VPS13B: variants seen among roughly 807,000 people sequenced by gnomAD.
VPS13B encodes vacuolar protein sorting 13 homolog B.
VPS13B carries 285 observed loss-of-function variants against 426.4 expected under a neutral mutation model. That is an observed-to-expected ratio of 0.67 (90% CI 0.61 to 0.74). The LOEUF (loss-of-function observed/expected upper bound fraction) is 0.74, where lower values mean the gene tolerates loss of function less well. VPS13B is among the 30% of genes least tolerant of loss of function. The pLI is 0.00. For synonymous variants in VPS13B, 1,676 were observed against 1,676.4 expected (o/e 1.00, Z 0.01); for missense variants, 4,537 against 4,782.6 (o/e 0.95, Z 1.51).
intron 19 of VPS13B, among the ~76,000 whole-genome samples, chr8:99,295,437 G>A (rs1819980352): frequency 1.3e-5 from 2 of 152,186 alleles, no homozygotes; most frequent in African/African-American, 4.8e-5. Context: ...ATATATGTAT[G>A]TATGAAAACT....
chr8:99,075,852 A>C (rs1417014644), intron 3 of VPS13B, among the ~76,000 whole-genome samples: 1 of 152,020 alleles, frequency 6.6e-6, no homozygotes, highest in East Asian at 1.9e-4. Flanking sequence ...GATCATGTAT[A>C]TTGTTTAGTC....
chr8:99,458,822 C>T (rs1818670346), intron 23 of VPS13B, among the ~76,000 whole-genome samples: 1 of 152,044 alleles, frequency 6.6e-6, no homozygotes, highest in Non-Finnish European at 1.5e-5. Flanking sequence ...GATATTAGCC[C>T]TTTGTCAGAT....
intron 52 of VPS13B, among the ~76,000 whole-genome samples, chr8:99,833,281 A>G (rs1434151680): frequency 6.6e-6 from 1 of 152,198 alleles, no homozygotes; most frequent in Non-Finnish European, 1.5e-5. Context: ...GACTTCTATT[A>G]TGTGGTTGTC....
intron 21 of VPS13B, among the ~76,000 whole-genome samples, chr8:99,417,142 G>C (rs1188863503): frequency 1.3e-5 from 2 of 151,952 alleles, no homozygotes; most frequent in Admixed American, 1.3e-4. Context: ...AAAAAGCGTA[G>C]ATGTGAACAT....
At chr8:99,751,448 C>T (rs1278909368) in intron 39 of VPS13B, among the ~76,000 whole-genome samples, 2 of 152,026 alleles carry the variant, frequency 1.3e-5, no homozygotes, top group Admixed American at 6.6e-5. Context: ...AAAGAAAATG[C>T]TTATATTTTT....
intron 31 of VPS13B, among the ~76,000 whole-genome samples, chr8:99,573,065 A>AT (rs1218698435): frequency 2.0e-5 from 3 of 152,044 alleles, no homozygotes; most frequent in Non-Finnish European, 2.9e-5. Context: ...GATGATGAGC[A>AT]TTTTTTCACA....
At chr8:99,192,514 A>G (rs1219750144) in intron 16 of VPS13B, among the ~76,000 whole-genome samples, 1 of 152,214 alleles carries the variant, frequency 6.6e-6, no homozygotes, top group African/African-American at 2.4e-5. Flanking sequence ...GTGTTAACAG[A>G]TAAAAGAAAT....
At chr8:99,546,166 C>T (rs1395352695) in intron 30 of VPS13B, among the ~76,000 whole-genome samples, 2 of 151,728 alleles carry the variant, frequency 1.3e-5, no homozygotes, top group Non-Finnish European at 2.9e-5. Flanking sequence ...ATTTGTGAGT[C>T]GGAAGTAACT....
At chr8:99,214,584 G>C (rs1012278739) in intron 17 of VPS13B, among the ~76,000 whole-genome samples, 1 of 151,988 alleles carries the variant, frequency 6.6e-6, no homozygotes, top group Non-Finnish European at 1.5e-5. Flanking sequence ...AATGTGTATA[G>C]GTTTAACTGA....
rs1459474659 is a variant in VPS13B at position 99,779,012 on chromosome 8, C to T, written c.7760C>T (p.Ala2587Val). ...GQHVVHSLNT[A>V]IQAWQQNKCP... Reference sequence around the variant, plus strand: ...CATGTAGTCCATTCACTAAACACTGCAATACAAGCTTGGCAACAGGTATGC... The same window carrying T: ...CATGTAGTCCATTCACTAAACACTGTAATACAAGCTTGGCAACAGGTATGC... The change falls in exon 42 of 62, where the codon GCA (alanine) becomes GTA (valine). Residue 2587 changes from alanine (A) to valine (V), a missense_variant. Physicochemically the swap from Ala to Val is moderately conservative, Grantham distance 64 (BLOSUM62 0). This residue lies in a region of VPS13B where 4,311 missense variants were observed against 4,474.3 expected (regional missense o/e 0.96). Coordinates refer to ENST00000357162, the MANE Select transcript of VPS13B (RefSeq NM_152564.5). The T allele has an allele frequency of 1.2e-6, 2 of 1,613,396 alleles. No homozygotes were observed. Among genetic ancestry groups the T allele is most frequent in the Non-Finnish European group, 1.7e-6 (2 of 1,179,776 alleles).
intron 43 of VPS13B, among the ~76,000 whole-genome samples, chr8:99,803,575 T>C (rs1253283201): frequency 2.6e-5 from 4 of 152,200 alleles, no homozygotes; most frequent in African/African-American, 7.2e-5. Context: ...TGAAAGGATA[T>C]GCAGGGCCCT....
chr8:99,124,712 C>T (rs1031583574), intron 8 of VPS13B, among the ~76,000 whole-genome samples: 3 of 151,816 alleles, frequency 2.0e-5, no homozygotes, highest in Non-Finnish European at 4.4e-5. Flanking sequence ...TGTTGAAACC[C>T]TGTCTCTACT....
At chr8:99,553,113 A>G (rs1824371649) in intron 30 of VPS13B, among the ~76,000 whole-genome samples, 3 of 152,144 alleles carry the variant, frequency 2.0e-5, no homozygotes, top group African/African-American at 7.2e-5. Context: ...TGCAGTTAAC[A>G]GAGCAGAAAA....
At chr8:99,239,389 A>G (rs1435580704) in intron 17 of VPS13B, among the ~76,000 whole-genome samples, 2 of 152,064 alleles carry the variant, frequency 1.3e-5, no homozygotes, top group Non-Finnish European at 2.9e-5. Flanking sequence ...TGGATACCCT[A>G]TTTTGCCGAG....
At chr8:99,609,602 C>T (rs1827755698) in intron 33 of VPS13B, among the ~76,000 whole-genome samples, 1 of 152,128 alleles carries the variant, frequency 6.6e-6, no homozygotes, top group Non-Finnish European at 1.5e-5. Flanking sequence ...AGTTTAGTTG[C>T]ACATCTGCTT....
chr8:99,647,010 C>G (rs553599765), intron 34 of VPS13B, among the ~76,000 whole-genome samples: 29 of 152,154 alleles, frequency 1.9e-4, no homozygotes, highest in African/African-American at 5.8e-4. Flanking sequence ...GCAAAAATAG[C>G]CTAACATAAC....
chr8:99,478,386 A>G (rs1465983395), intron 24 of VPS13B, among the ~76,000 whole-genome samples: 2 of 120,466 alleles, frequency 1.7e-5, no homozygotes, highest in African/African-American at 3.2e-5. Context: ...CCACTCACCC[A>G]TTTTTTATTT....
intron 25 of VPS13B, among the ~76,000 whole-genome samples, chr8:99,489,206 T>G (rs1400174507): frequency 1.3e-5 from 2 of 152,174 alleles, no homozygotes; most frequent in African/African-American, 4.8e-5. Context: ...ATGTGTGGTG[T>G]TATTTCTGAG....
chr8:99,499,066 A>G (rs1429935316), intron 25 of VPS13B, among the ~76,000 whole-genome samples: 1 of 152,148 alleles, frequency 6.6e-6, no homozygotes, highest in African/African-American at 2.4e-5. Context: ...ATAAACAAAG[A>G]TAAATTCACC....
Sources: allele counts gnomAD v4.1 joint callset (sites outside exome capture counted in the v4.1 genomes callset), GRCh38; gene constraint gnomAD v4.1.1; regional missense constraint gnomAD v4.1.1; transcripts MANE v1.5; gene names NCBI Gene and HGNC (gene_info 2026-07-23, HGNC 2026-07-21).